Variants in MEIS2 observed in about 807,000 individuals in gnomAD.
MEIS2 encodes the protein Meis homeobox 2, also known as homeobox protein Meis2.
Under a neutral mutation model 58.6 loss-of-function variants are expected in MEIS2, and 9 were observed. The observed-to-expected ratio is 0.15, with a 90% CI of 0.09 to 0.27. The LOEUF is 0.27. Ranked by LOEUF, MEIS2 falls within the 10% of genes least tolerant of loss-of-function variation. MEIS2 has a pLI of 1.00. For synonymous variants in MEIS2, 221 were observed against 228.4 expected, an observed-to-expected ratio of 0.97 and a Z score of 0.29; for missense variants, 427 against 635.0, an observed-to-expected ratio of 0.67 and a Z score of 3.52.
chr15:37,096,349 A>G lies in MEIS2; in HGVS notation c.327T>C (p.Ala109=). ...ATCTPREPGV[A]GGDVCSSDSF... ...AGTCGGAGGAGCAGACGTCTCCGCC[A>G]GCCACTCCAGGTTCCCGGGGAGTGC... Residue 109 remains alanine, a synonymous_variant, in exon 3 of 12, where the codon GCT becomes GCC. Transcript: ENST00000561208. 1 of 1,613,948 alleles carries G rather than the reference A, an allele frequency of 6.2e-7. No homozygotes were observed. The highest frequency in any genetic ancestry group is 8.5e-7 in the Non-Finnish European group (1 of 1,179,926).
chr15:36,952,064 C>T (rs957941091), intron 8 of MEIS2, among the ~76,000 whole-genome samples: 1 of 152,184 alleles, frequency 6.6e-6, no homozygotes, highest in Non-Finnish European at 1.5e-5. Flanking sequence ...ATGACAAATA[C>T]TCCTCCTAAC....
intron 9 of MEIS2, among the ~76,000 whole-genome samples, chr15:36,924,006 A>G (rs1335935302): frequency 6.6e-6 from 1 of 152,254 alleles, no homozygotes; most frequent in Non-Finnish European, 1.5e-5. Context: ...CAAATGCTAC[A>G]CAAGACATGC....
rs2055784632 is a variant in MEIS2 at position 36,889,600 on chromosome 15, G to T, written c.*2573C>A. 6.6e-6 allele frequency: 1 copy of T among 152,132 alleles called. No individual in the cohort carries two copies. Among genetic ancestry groups the T allele is most frequent in the Non-Finnish European group, 1.5e-5 (1 of 68,022 alleles). 9.4% of individuals were successfully genotyped at this position (152,132 alleles called of 1,614,324 possible). A position where few individuals can be genotyped will look rare whatever the true frequency, so the allele number is the denominator to read the frequency against. On this transcript the variant is annotated 3_prime_UTR_variant, in exon 12 of 12. Transcript: ENST00000561208. ...TATTCATTAAAACCAAGAGTTGAGAGCTCTGGTCTCTAAACTTCAATGAGA... is the reference window on the plus strand; with the variant it reads ...TATTCATTAAAACCAAGAGTTGAGATCTCTGGTCTCTAAACTTCAATGAGA...
chr15:37,025,376 C>G (rs750343783), intron 8 of MEIS2, among the ~76,000 whole-genome samples: 1 of 152,282 alleles, frequency 6.6e-6, no homozygotes, highest in Admixed American at 6.5e-5. Context: ...AAGACTAGGA[C>G]ACTGGTCAAA....
intron 7 of MEIS2, among the ~76,000 whole-genome samples, chr15:37,073,189 C>T (rs1049292355): frequency 6.6e-6 from 1 of 151,988 alleles, no homozygotes; most frequent in Non-Finnish European, 1.5e-5. Flanking sequence ...TAACAACTGC[C>T]CTATGAGACA....
chr15:37,049,116 T>C (rs2141795719), intron 7 of MEIS2, among the ~76,000 whole-genome samples: 1 of 152,330 alleles, frequency 6.6e-6, no homozygotes, highest in East Asian at 1.9e-4. Context: ...CAAGCAGATA[T>C]GTTTTTGTAA....
At chr15:36,964,918 C>T (rs1041407696) in intron 8 of MEIS2, among the ~76,000 whole-genome samples, 1 of 152,150 alleles carries the variant, frequency 6.6e-6, no homozygotes, top group Admixed American at 6.5e-5. Context: ...GCATTTATAG[C>T]TCTTTCCATC....
intron 9 of MEIS2, among the ~76,000 whole-genome samples, chr15:36,919,985 C>G (rs1288134955): frequency 2.6e-5 from 4 of 152,038 alleles, no homozygotes; most frequent in Non-Finnish European, 5.9e-5. Context: ...AGTTATTGTT[C>G]CTTGAAGTCA....
intron 8 of MEIS2, among the ~76,000 whole-genome samples, chr15:36,993,074 T>A (rs1256778175): frequency 1.3e-5 from 2 of 152,108 alleles, no homozygotes; most frequent in African/African-American, 4.8e-5. Context: ...TCATTTTATC[T>A]TCAAAAAACG....
chr15:37,074,017 GT>G (rs1156888565), intron 7 of MEIS2, among the ~76,000 whole-genome samples: 1 of 151,842 alleles, frequency 6.6e-6, no homozygotes, highest in African/African-American at 2.4e-5. Context: ...AATTATTTAG[GT>G]TTTTTTCTGG....
intron 8 of MEIS2, among the ~76,000 whole-genome samples, chr15:37,029,232 G>GTGT (rs1367149783): frequency 6.6e-6 from 1 of 152,190 alleles, no homozygotes; most frequent in Non-Finnish European, 1.5e-5. Flanking sequence ...TTTCAGCTGT[G>GTGT]TGTTCTGCAT....
intron 9 of MEIS2, among the ~76,000 whole-genome samples, chr15:36,915,523 G>A (rs1322263082): frequency 6.6e-6 from 1 of 152,066 alleles, no homozygotes; most frequent in East Asian, 1.9e-4. Flanking sequence ...TAAATCCCTG[G>A]CACCAAAAGG....
At chr15:36,977,076 C>T (rs1183197336) in intron 8 of MEIS2, among the ~76,000 whole-genome samples, 2 of 151,880 alleles carry the variant, frequency 1.3e-5, no homozygotes, top group Admixed American at 6.6e-5. Context: ...CAGTGAGCCA[C>T]GATTGTGGGA....
In MEIS2 at chr15:37,081,762, T is replaced by C. The variant is rs1348233528; in HGVS notation, c.754+2009A>G. Among the ~76,000 whole-genome samples, 4 of 152,274 alleles carry C rather than the reference T, an allele frequency of 2.6e-5. No individual in the cohort carries two copies. The East Asian group carries it at 7.7e-4, about 29-fold the overall frequency. On this transcript the variant is annotated intron_variant, in intron 7 of 11. Transcript: ENST00000561208. ...CACATAAGCTACCATGTCCATTCTT[T>C]AATCCCGCAGAGACATGATTAAAGG...
intron 2 of MEIS2, among the ~76,000 whole-genome samples, chr15:37,097,520 G>A (rs1045251964): frequency 1.3e-5 from 2 of 152,064 alleles, no homozygotes; most frequent in African/African-American, 4.8e-5. Context: ...TCAAGCTGCT[G>A]TTAGTGACTC....
chr15:36,906,589 C>A (rs1356866488), intron 9 of MEIS2, among the ~76,000 whole-genome samples: 8 of 124,876 alleles, frequency 6.4e-5, no homozygotes, highest in African/African-American at 2.1e-4. Flanking sequence ...CTCAATTTTT[C>A]AAATGTTACC....
chr15:36,911,182 T>TA (rs1288569542), intron 9 of MEIS2, among the ~76,000 whole-genome samples: 5 of 151,998 alleles, frequency 3.3e-5, no homozygotes, highest in African/African-American at 4.8e-5. Flanking sequence ...GAAATATTTT[T>TA]AAAAAAAAGA....
At chr15:37,049,362 T>C (rs753334562) in intron 7 of MEIS2, among the ~76,000 whole-genome samples, 1 of 152,178 alleles carries the variant, frequency 6.6e-6, no homozygotes, top group Non-Finnish European at 1.5e-5. Flanking sequence ...ATCGGCTGTG[T>C]TGATGATTGA....
intron 8 of MEIS2, among the ~76,000 whole-genome samples, chr15:36,988,659 A>T (rs1432721978): frequency 6.6e-6 from 1 of 152,242 alleles, no homozygotes; most frequent in Non-Finnish European, 1.5e-5. Flanking sequence ...AGAAATTTAC[A>T]ATAAATACCC....
Sources: gnomAD v4.1 joint callset for allele counts (sites outside exome capture counted in the v4.1 genomes callset) on GRCh38, gnomAD v4.1.1 for gene constraint, MANE v1.5 for transcripts, NCBI Gene and HGNC (gene_info 2026-07-23, HGNC 2026-07-21) for gene names.